The following DPH6 variants were observed in gnomAD, a reference collection of about 807,000 sequenced individuals.
The protein encoded by DPH6 is diphthine--ammonia ligase.
A neutral mutation model predicts 38.2 loss-of-function variants in DPH6; 33 were observed. That is an observed-to-expected ratio of 0.86 (90% CI 0.65 to 1.15). DPH6 has a LOEUF of 1.15. DPH6 is among the 50% of genes most tolerant of loss of function. The pLI is 0.00. For missense variants in DPH6, 325 were observed against 320.0 expected (o/e 1.02, Z -0.12); for synonymous variants, 108 against 103.0 (o/e 1.05, Z -0.30).
chr15:35,544,076 C>A (rs1262827509), intron 1 of DPH6, among the ~76,000 whole-genome samples: 1 of 152,106 alleles, frequency 6.6e-6, no homozygotes, highest in Non-Finnish European at 1.5e-5. Flanking sequence ...ATGCAGAGTA[C>A]CTTACTGTCC....
the DPH6 span, among the ~76,000 whole-genome samples, chr15:35,188,605 T>C: frequency 6.6e-6 from 1 of 152,200 alleles, no homozygotes; most frequent in South Asian, 2.1e-4. Context: ...AAACTTGCCT[T>C]GGTCTCTCCT....
chr15:35,280,682 C>T (rs1469549019), intron 3 of DPH6, among the ~76,000 whole-genome samples: 1 of 152,108 alleles, frequency 6.6e-6, no homozygotes, highest in Non-Finnish European at 1.5e-5. Flanking sequence ...ACTTAAATTT[C>T]TAGAAGCGTT....
At chr15:35,315,273 C>T (rs1003824219) in intron 3 of DPH6, among the ~76,000 whole-genome samples, 2 of 152,226 alleles carry the variant, frequency 1.3e-5, no homozygotes, top group South Asian at 4.1e-4. Context: ...AGGGAAAATG[C>T]TTCCACAACC....
At chr15:35,318,477 A>G (rs951945640) in intron 3 of DPH6, among the ~76,000 whole-genome samples, 1 of 152,296 alleles carries the variant, frequency 6.6e-6, no homozygotes, top group Non-Finnish European at 1.5e-5. Flanking sequence ...TGGCATATAT[A>G]TAACAGTGCA....
At chr15:35,492,614 CCAT>C (rs1294255734) in intron 3 of DPH6, among the ~76,000 whole-genome samples, 1 of 152,138 alleles carries the variant, frequency 6.6e-6, no homozygotes, top group African/African-American at 2.4e-5. Flanking sequence ...AGCATTATAA[CCAT>C]GATTGAGCTG....
chr15:35,472,838 T>C lies in DPH6; in HGVS notation c.313-18018A>G, dbSNP rs540772933. On this transcript the variant is annotated intron_variant, in intron 3 of 8. Transcript: ENST00000256538. ...AGCAAAACATAGGAGACATCATCCC[T>C]ACCTTCATGGAGCTTAACACCTAGC... 2.6e-5 allele frequency among the ~76,000 whole-genome samples: 4 copies of C among 151,400 alleles called. No homozygotes were observed. In the East Asian group the frequency reaches 7.8e-4, roughly 30 times the overall value.
At chr15:35,370,076 A>G (rs1227159363), downstream of DPH6, among the ~76,000 whole-genome samples, 1 of 151,804 alleles carries the variant, frequency 6.6e-6, no homozygotes, top group Non-Finnish European at 1.5e-5. Context: ...TATACAAAAG[A>G]ACAAGGCAAT....
chr15:35,338,790 T>C (rs565917482), intron 3 of DPH6, among the ~76,000 whole-genome samples: 3 of 152,278 alleles, frequency 2.0e-5, no homozygotes, highest in South Asian at 4.1e-4. Flanking sequence ...CTCAAATGTC[T>C]GACAATGATA....
chr15:35,352,439 C>T (rs2052522741), intron 3 of DPH6, among the ~76,000 whole-genome samples: 1 of 152,112 alleles, frequency 6.6e-6, no homozygotes, highest in African/African-American at 2.4e-5. Flanking sequence ...GCTACCCCCA[C>T]CCCACAACAG....
intron 3 of DPH6, among the ~76,000 whole-genome samples, chr15:35,464,585 A>G (rs1343678944): frequency 6.6e-6 from 1 of 152,196 alleles, no homozygotes. Flanking sequence ...CTGGTTCTAA[A>G]AAGATATATA....
At chr15:35,381,008 G>C (rs2140937726) in intron 7 of DPH6, among the ~76,000 whole-genome samples, 1 of 150,840 alleles carries the variant, frequency 6.6e-6, no homozygotes, top group African/African-American at 2.4e-5. Flanking sequence ...TTTACAAATT[G>C]CATTTTTTAA....
chr15:35,181,235 G>A, the DPH6 span, among the ~76,000 whole-genome samples: 1 of 151,870 alleles, frequency 6.6e-6, no homozygotes, highest in African/African-American at 2.4e-5. Context: ...TTATATTTGG[G>A]CATTGTCACA....
intron 3 of DPH6, among the ~76,000 whole-genome samples, chr15:35,244,554 A>C (rs911444758): frequency 6.6e-6 from 1 of 152,248 alleles, no homozygotes; most frequent in Non-Finnish European, 1.5e-5. Flanking sequence ...ACTGTCTTTC[A>C]ATTTTTAAGC....
the DPH6 span, among the ~76,000 whole-genome samples, chr15:35,203,183 T>C: frequency 1.3e-5 from 2 of 151,784 alleles, no homozygotes; most frequent in Admixed American, 6.6e-5. Flanking sequence ...TAGGTAAACA[T>C]TGTTGATAGT....
intron 6 of DPH6, among the ~76,000 whole-genome samples, chr15:35,392,714 T>A (rs2053077060): frequency 6.6e-6 from 1 of 152,166 alleles, no homozygotes; most frequent in South Asian, 2.1e-4. Context: ...GGCAGATGCA[T>A]GAAATGCTGT....
chr15:35,237,619 C>A (rs2051563448), intron 3 of DPH6: 3 of 1,609,142 alleles, frequency 1.9e-6, no homozygotes. Context: ...TATGTGGCAA[C>A]AAAATTAAAG....
chr15:35,359,607 A>G (rs950860695), intron 3 of DPH6, among the ~76,000 whole-genome samples: 6 of 152,142 alleles, frequency 3.9e-5, no homozygotes, highest in African/African-American at 1.4e-4. Flanking sequence ...AGCTCCAGCT[A>G]AAGTCGGAAA....
rs568840252 is a variant in DPH6, at chr15:35,532,803, A to T, written c.312+5471T>A. Reference sequence around the variant, plus strand: ...AGAAGGGAGGGAGGGAAGAGAGAAGAGATTAAAAAAGAAGAATTGGCTGGG... The same window carrying T: ...AGAAGGGAGGGAGGGAAGAGAGAAGTGATTAAAAAAGAAGAATTGGCTGGG... On this transcript the variant is annotated intron_variant, in intron 3 of 8. Coordinates refer to ENST00000256538, the MANE Select transcript of DPH6 (RefSeq NM_080650.4). Among the ~76,000 whole-genome samples the T allele has an allele frequency of 4.5e-4, 69 of 152,030 alleles. No individual in the cohort carries two copies. In the South Asian group the frequency reaches 0.014, roughly 31 times the overall value.
At chr15:35,185,970 G>A in the DPH6 span, among the ~76,000 whole-genome samples, 4 of 152,036 alleles carry the variant, frequency 2.6e-5, no homozygotes, top group African/African-American at 4.8e-5. Flanking sequence ...TCCTGACCTC[G>A]TGATCCGCTT....
Sources: gnomAD v4.1 joint callset for allele counts (sites outside exome capture counted in the v4.1 genomes callset) on GRCh38, gnomAD v4.1.1 for gene constraint, MANE v1.5 for transcripts, NCBI Gene and HGNC (gene_info 2026-07-23, HGNC 2026-07-21) for gene names.